The following TFDP2 variants were observed in gnomAD, a reference collection of about 807,000 sequenced individuals.
TFDP2 encodes transcription factor Dp-2 (E2F dimerization partner 2).
A neutral mutation model predicts 59.3 loss-of-function variants in TFDP2; 17 were observed. The observed-to-expected ratio is 0.29, with a 90% confidence interval of 0.20 to 0.43. TFDP2 has a LOEUF of 0.43. Ranked by LOEUF, TFDP2 falls within the 20% of genes least tolerant of loss-of-function variation. TFDP2 has a pLI of 1.00. For synonymous variants in TFDP2, 180 were observed against 194.7 expected (o/e 0.92, Z 0.63); for missense variants, 391 against 528.8 (o/e 0.74, Z 2.56).
chr3:142,003,007 C>CT lies in TFDP2; in HGVS notation c.186+2433dup, dbSNP rs374593564. On this transcript the variant is annotated intron_variant, in intron 4 of 12. Coordinates refer to ENST00000489671, the MANE Select transcript of TFDP2 (RefSeq NM_001178139.2). ...GAAGGGGGCAAAGAGCTCCCTTCAACTTTTTTTTTTTTTTAGATGGAGTCT... is the reference window on the plus strand; with the variant it reads ...GAAGGGGGCAAAGAGCTCCCTTCAACTTTTTTTTTTTTTTTAGATGGAGTCT... 7.1e-3 allele frequency among the ~76,000 whole-genome samples: 1,017 copies of CT among 142,722 alleles called. 9 individuals carry two copies. The highest frequency in any genetic ancestry group is 0.011 in the Non-Finnish European group (703 of 64,638). 93.6% of individuals were successfully genotyped at this position (142,722 alleles called of 152,430 possible). A position where few individuals can be genotyped will look rare whatever the true frequency, so the allele number is the denominator to read the frequency against.
Position 142,112,511 on chromosome 3 carries a change from T to A in TFDP2, c.-92-10670A>T, listed in dbSNP as rs138131881. Among the ~76,000 whole-genome samples the A allele has an allele frequency of 4.5e-3, 693 of 152,324 alleles. 5 individuals are homozygous for A. The highest frequency in any genetic ancestry group is 0.016 in the African/African-American group (647 of 41,566). On this transcript the variant is annotated intron_variant, in intron 1 of 12. Transcript: ENST00000489671. ...TGATTTTCAGGCTAGGAGCCAATTATACTTAGCAGAAAGACGTGGTAATAG... is the reference window on the plus strand; with the variant it reads ...TGATTTTCAGGCTAGGAGCCAATTAAACTTAGCAGAAAGACGTGGTAATAG...
intron 1 of TFDP2, among the ~76,000 whole-genome samples, chr3:142,124,570 T>G (rs992781967): frequency 6.6e-6 from 1 of 152,166 alleles, no homozygotes; most frequent in Non-Finnish European, 1.5e-5. Flanking sequence ...AAATTTCAGA[T>G]AGCCCATAGA....
chr3:142,046,997 C>T (rs112133276), intron 3 of TFDP2, among the ~76,000 whole-genome samples: 1 of 152,166 alleles, frequency 6.6e-6, no homozygotes, highest in African/African-American at 2.4e-5. Context: ...GCTCTTGCCC[C>T]CCTTCAGCCT....
intron 1 of TFDP2, among the ~76,000 whole-genome samples, chr3:142,112,595 G>A (rs954371440): frequency 6.6e-6 from 1 of 152,212 alleles, no homozygotes. Context: ...TTGACAACAA[G>A]CAGCTTAATA....
intron 1 of TFDP2, among the ~76,000 whole-genome samples, chr3:142,115,985 A>G (rs2061840788): frequency 6.6e-6 from 1 of 152,182 alleles, no homozygotes; most frequent in Non-Finnish European, 1.5e-5. Context: ...TGGCCAATGT[A>G]CTACAATTAC....
intron 10 of TFDP2, among the ~76,000 whole-genome samples, chr3:141,962,803 T>C (rs1937523135): frequency 1.3e-5 from 2 of 152,224 alleles, no homozygotes; most frequent in Admixed American, 1.3e-4. Context: ...GTCAGGGCCC[T>C]AGGAGACAGG....
intron 6 of TFDP2, among the ~76,000 whole-genome samples, chr3:141,982,442 A>G (rs566047446): frequency 1.3e-5 from 2 of 152,066 alleles, no homozygotes; most frequent in African/African-American, 4.8e-5. Context: ...GTAGGGGGTA[A>G]AGTGTAGAAC....
chr3:142,116,683 G>C (rs990930601), intron 1 of TFDP2, among the ~76,000 whole-genome samples: 21 of 152,108 alleles, frequency 1.4e-4, no homozygotes, highest in Non-Finnish European at 1.8e-4. Flanking sequence ...CACTATTATA[G>C]TTACACCTAG....
At chr3:142,063,424 A>G (rs2108522081) in intron 3 of TFDP2, among the ~76,000 whole-genome samples, 2 of 152,314 alleles carry the variant, frequency 1.3e-5, no homozygotes, top group Middle Eastern at 3.4e-3. Flanking sequence ...AAAATTAGCT[A>G]TCATATACAT....
In TFDP2 at chr3:141,951,602, A is replaced by ACATCCC. The variant is rs1935946981; in HGVS notation, c.*910_*911insGGGATG. ...GCACACTGGGTGAGATCATACAATT[A>ACATCCC]CTGCAGGGAACTGTAGGCAAGCAAT... On this transcript the variant is annotated 3_prime_UTR_variant, in exon 13 of 13. Coordinates refer to ENST00000489671, the MANE Select transcript of TFDP2 (RefSeq NM_001178139.2). The ACATCCC allele has an allele frequency of 5.2e-5, 8 of 152,686 alleles. No homozygotes were observed. Among genetic ancestry groups the ACATCCC allele is most frequent in the Admixed American group, 5.2e-4 (8 of 15,282 alleles). The allele number at this position is 152,686 out of a possible 1,614,324, so 9.5% of individuals were successfully genotyped here. A position where few individuals can be genotyped will look rare whatever the true frequency, so the allele number is the denominator to read the frequency against.
intron 6 of TFDP2, among the ~76,000 whole-genome samples, chr3:141,987,041 T>C (rs1240607161): frequency 6.6e-6 from 1 of 152,200 alleles, no homozygotes; most frequent in Non-Finnish European, 1.5e-5. Context: ...TTCTTTTGTT[T>C]TTTCTTGGTA....
At chr3:142,099,044 G>C (rs1294741755) in intron 2 of TFDP2, among the ~76,000 whole-genome samples, 1 of 152,196 alleles carries the variant, frequency 6.6e-6, no homozygotes, top group Non-Finnish European at 1.5e-5. Flanking sequence ...TGTCATCAGA[G>C]ACATGTAAAA....
At chr3:142,000,544 C>T (rs1943677874) in intron 4 of TFDP2, among the ~76,000 whole-genome samples, 1 of 152,176 alleles carries the variant, frequency 6.6e-6, no homozygotes, top group Non-Finnish European at 1.5e-5. Flanking sequence ...GCATCCAGTT[C>T]CTGGCCCTCT....
intron 8 of TFDP2, among the ~76,000 whole-genome samples, chr3:141,970,929 G>A (rs979427474): frequency 2.0e-4 from 31 of 151,882 alleles, no homozygotes; most frequent in African/African-American, 1.5e-4. Flanking sequence ...GTGGTGGCGC[G>A]CATCTGTAGT....
intron 6 of TFDP2, among the ~76,000 whole-genome samples, chr3:141,984,975 C>A (rs1175634029): frequency 2.0e-5 from 3 of 151,986 alleles, no homozygotes; most frequent in Non-Finnish European, 4.4e-5. Context: ...ACCCCATAGG[C>A]AACGTGCCCA....
chr3:141,978,246 G>A (rs1240301668), intron 7 of TFDP2, among the ~76,000 whole-genome samples: 3 of 151,402 alleles, frequency 2.0e-5, no homozygotes, highest in Admixed American at 1.3e-4. Context: ...GCGGGAGGCT[G>A]AGTCACAAGA....
intron 3 of TFDP2, among the ~76,000 whole-genome samples, chr3:142,065,188 C>T (rs529170544): frequency 9.2e-5 from 14 of 151,416 alleles, no homozygotes; most frequent in Admixed American, 4.6e-4. Flanking sequence ...CTCACTCTTT[C>T]ACCCAGGCTA....
At chr3:142,075,906 C>CAAAA (rs60581045) in intron 3 of TFDP2, among the ~76,000 whole-genome samples, 1 of 80,722 alleles carries the variant, frequency 1.2e-5, no homozygotes, top group African/African-American at 5.5e-5. Flanking sequence ...GAACCTGCCT[C>CAAAA]AAAAAAAAAA....
At chr3:141,971,169 G>C (rs1429883066) in intron 8 of TFDP2, among the ~76,000 whole-genome samples, 1 of 151,844 alleles carries the variant, frequency 6.6e-6, no homozygotes, top group Admixed American at 6.6e-5. Context: ...ATTAGGGTCT[G>C]AACTTCCTTG....
Sources: allele counts gnomAD v4.1 joint callset (sites outside exome capture counted in the v4.1 genomes callset), GRCh38; gene constraint gnomAD v4.1.1; transcripts MANE v1.5; gene names NCBI Gene and HGNC (gene_info 2026-07-23, HGNC 2026-07-21).